RAD52: variants seen among roughly 807,000 people sequenced by gnomAD.
The protein encoded by RAD52 is RAD52 DNA repair protein.
A neutral mutation model predicts 55.5 loss-of-function variants in RAD52; 47 were observed. The ratio of observed to expected loss-of-function variants is 0.85; its 90% CI spans 0.67 to 1.08. The LOEUF (loss-of-function observed/expected upper bound fraction) is 1.08, where lower values mean the gene tolerates loss of function less well. RAD52 is among the 50% of genes least tolerant of loss of function. RAD52 has a pLI of 0.00. For synonymous variants in RAD52, 184 were observed against 198.9 expected, an observed-to-expected ratio of 0.92 and a Z score of 0.63; for missense variants, 468 against 522.8, an observed-to-expected ratio of 0.90 and a Z score of 1.02.
At chr12:935,864 AT>A (rs1181420842) in intron 1 of RAD52, among the ~76,000 whole-genome samples, 161 of 7,824 alleles carry the variant, frequency 0.021, no homozygotes, top group African/African-American at 0.046. Flanking sequence ...AAAAAAATAA[AT>A]AAATAAATAA....
At chr12:941,772 G>A (rs554767323) in intron 1 of RAD52, among the ~76,000 whole-genome samples, 6 of 151,998 alleles carry the variant, frequency 3.9e-5, no homozygotes, top group Non-Finnish European at 8.8e-5. Flanking sequence ...AAGTAGCTGA[G>A]ACTACAGGCA....
At chr12:924,418 A>C (rs189455786) in intron 7 of RAD52, among the ~76,000 whole-genome samples, 43 of 152,370 alleles carry the variant, frequency 2.8e-4, no homozygotes, top group African/African-American at 9.9e-4. Context: ...TCAAAAAAAA[A>C]AGTCTAACAA....
chr12:916,166 C>G (rs4765816), intron 9 of RAD52, 178 bp downstream of exon 9: 60 of 1,357,514 alleles, frequency 4.4e-5, no homozygotes, highest in Non-Finnish European at 5.3e-5. Flanking sequence ...GGAAAATGTA[C>G]AGCAGATTTA....
Position 982,567 on chromosome 12 carries a change from G to A in RAD52, c.-19+7242C>T, listed in dbSNP as rs536522422. ...AAGGATGGCCTTTCCCGCACTTTCC[G>A]ATAATATGTTCCTAATTTCCGTCTG... is the stretch of plus-strand genomic sequence containing the variant. On this transcript the variant is annotated intron_variant, in intron 1 of 11. Coordinates refer to the RAD52 transcript ENST00000430095. Among the ~76,000 whole-genome samples, 64 of 150,802 alleles carry A rather than the reference G, an allele frequency of 4.2e-4. No individual in the cohort carries two copies. In the Middle Eastern group the frequency reaches 0.028, roughly 65 times the overall value.
intron 1 of RAD52, among the ~76,000 whole-genome samples, chr12:966,660 C>T (rs1052490297): frequency 6.6e-6 from 1 of 151,630 alleles, no homozygotes; most frequent in Admixed American, 6.6e-5. Flanking sequence ...TGCTGTCAGT[C>T]ATTCTTGATT....
chr12:922,012 A>G (rs1956755568), intron 7 of RAD52, among the ~76,000 whole-genome samples: 1 of 152,038 alleles, frequency 6.6e-6, no homozygotes, highest in Non-Finnish European at 1.5e-5. Context: ...AGGCTGAGAC[A>G]GGAGAATTGT....
At chr12:943,831 C>T (rs1394669715) in intron 1 of RAD52, among the ~76,000 whole-genome samples, 2 of 150,264 alleles carry the variant, frequency 1.3e-5, no homozygotes, top group African/African-American at 2.5e-5. Flanking sequence ...CATCCTGAGC[C>T]CTAAGAAACC....
chr12:932,486 C>G (rs941777612), intron 2 of RAD52, among the ~76,000 whole-genome samples: 1 of 151,600 alleles, frequency 6.6e-6, no homozygotes, highest in African/African-American at 2.4e-5. Flanking sequence ...CAAAGCAAGA[C>G]TCAGTCTCGA....
At chr12:980,410 C>T (rs565857198) in intron 1 of RAD52, among the ~76,000 whole-genome samples, 1 of 151,512 alleles carries the variant, frequency 6.6e-6, no homozygotes, top group East Asian at 2.0e-4. Flanking sequence ...TCTCCTGCCT[C>T]AGCCTCCCGA....
In RAD52 at chr12:931,219, C is replaced by T. The variant is rs2154114357; in HGVS notation, c.186+1G>A. ...CTTTCCAGGCACATGAATTCTCCTA[C>T]CTTCTGGCCTCCGCCAGCCATGCGG... On this transcript the variant is annotated splice_donor_variant, in intron 3 of 11. Transcript: ENST00000358495. LOFTEE classifies it high-confidence loss of function. The T allele has an allele frequency of 6.2e-7, 1 of 1,611,264 alleles. No homozygotes were observed. Among genetic ancestry groups the T allele is most frequent in the Non-Finnish European group, 8.5e-7 (1 of 1,179,122 alleles).
upstream of RAD52, among the ~76,000 whole-genome samples, chr12:954,452 C>CA (rs1201242302): frequency 3.3e-5 from 5 of 152,094 alleles, no homozygotes; most frequent in Middle Eastern, 3.4e-3. Context: ...GCCAACATGA[C>CA]AAAACCCTGT....
intron 6 of RAD52, chr12:926,769 AC>A: frequency 6.6e-7 from 1 of 1,524,534 alleles, no homozygotes. Flanking sequence ...CATCTGCGTG[AC>A]TGTGTAACTA....
intron 1 of RAD52, chr12:975,387 T>C (rs1172542305): frequency 2.6e-5 from 4 of 152,182 alleles, no homozygotes; most frequent in African/African-American, 9.7e-5. Flanking sequence ...TAAGACAATA[T>C]TGTATATGGC....
At chr12:928,000 G>A (rs1957132138) in intron 5 of RAD52, among the ~76,000 whole-genome samples, 1 of 152,160 alleles carries the variant, frequency 6.6e-6, no homozygotes, top group African/African-American at 2.4e-5. Flanking sequence ...AAAAGAGAAG[G>A]TGGACCTGAG....
rs1267570473 is a variant in RAD52, at chr12:920,247, G to A, written c.544-3427C>T. Among the ~76,000 whole-genome samples the A allele has an allele frequency of 3.6e-5, 4 of 110,250 alleles. 1 individual carries two copies. Among genetic ancestry groups the A allele is most frequent in the African/African-American group, 1.5e-4 (4 of 26,094 alleles). The allele number at this position is 110,250 out of a possible 152,430, so 72.3% of individuals were successfully genotyped here. On this transcript the variant is annotated intron_variant, in intron 7 of 11. Coordinates refer to ENST00000358495, the MANE Select transcript of RAD52 (RefSeq NM_134424.4). ...AAAAAAAAAAATTGTTATAGGAGACGAGAGTATTATATAATGATAAGAATG... is the reference window on the plus strand; with the variant it reads ...AAAAAAAAAAATTGTTATAGGAGACAAGAGTATTATATAATGATAAGAATG...
chr12:984,153 CT>C (rs1959056058), intron 1 of RAD52, among the ~76,000 whole-genome samples: 1 of 152,158 alleles, frequency 6.6e-6, no homozygotes, highest in Non-Finnish European at 1.5e-5. Flanking sequence ...CCTCTTCCCC[CT>C]CCCTCTGTCC....
chr12:951,908 A>T (rs1293537466), upstream of RAD52, among the ~76,000 whole-genome samples: 1 of 152,160 alleles, frequency 6.6e-6, no homozygotes, highest in Admixed American at 6.5e-5. Context: ...AATGTATTTT[A>T]AAGTTACCTA....
chr12:953,961 G>A (rs985914106), upstream of RAD52, among the ~76,000 whole-genome samples: 3 of 152,122 alleles, frequency 2.0e-5, no homozygotes, highest in South Asian at 2.1e-4. Flanking sequence ...GCTCTCCACC[G>A]CCCTTGCATG....
rs564300152 is a variant in RAD52, at chr12:927,604, C to T, written c.349-341G>A. Among the ~76,000 whole-genome samples, 120 of 152,186 alleles carry T rather than the reference C, an allele frequency of 7.9e-4. 1 individual carries two copies. The highest frequency in any genetic ancestry group is 6.8e-3 in the Middle Eastern group (2 of 294). ...TGGCCGGGCCGGGCGTGGTGGCTCA[C>T]GCTGTAATCCCAGCCCTTTGGGAGG... On this transcript the variant is annotated intron_variant, in intron 5 of 11. Coordinates refer to ENST00000358495, the MANE Select transcript of RAD52 (RefSeq NM_134424.4).
Sources: gnomAD v4.1 joint callset for allele counts (sites outside exome capture counted in the v4.1 genomes callset) on GRCh38, gnomAD v4.1.1 for gene constraint, MANE v1.5 for transcripts, NCBI Gene and HGNC (gene_info 2026-07-23, HGNC 2026-07-21) for gene names.